WWOX: variants seen among roughly 807,000 people sequenced by gnomAD.
The protein encoded by WWOX is WW domain-containing oxidoreductase.
WWOX carries 69 observed loss-of-function variants against 46.2 expected under a neutral mutation model. The observed-to-expected ratio is 1.49, with a 90% CI of 1.23 to 1.82. The LOEUF is 1.82. Ranked by LOEUF, WWOX falls within the 40% of genes most tolerant of loss-of-function variation. WWOX has a pLI of 0.00. For missense variants in WWOX, 919 were observed against 542.6 expected, an observed-to-expected ratio of 1.69 and a Z score of -6.89; for synonymous variants, 359 against 202.6, an observed-to-expected ratio of 1.77 and a Z score of -6.56.
At chr16:78,860,584 C>T (rs1205211704) in intron 8 of WWOX, among the ~76,000 whole-genome samples, 2 of 152,172 alleles carry the variant, frequency 1.3e-5, no homozygotes, top group African/African-American at 2.4e-5. Flanking sequence ...AGTCCCTATC[C>T]TGGTGGATCT....
chr16:78,905,239 G>T (rs1037805010), intron 8 of WWOX, among the ~76,000 whole-genome samples: 8 of 152,088 alleles, frequency 5.3e-5, no homozygotes, highest in African/African-American at 1.7e-4. Flanking sequence ...AGGAGGAGGC[G>T]GAGAAGAAAA....
intron 8 of WWOX, among the ~76,000 whole-genome samples, chr16:78,773,979 G>A (rs1567550520): frequency 6.6e-6 from 1 of 152,230 alleles, no homozygotes; most frequent in Admixed American, 6.5e-5. Flanking sequence ...TGGCTGAAAT[G>A]AGACTCTTTC....
At chr16:79,064,075 A>C (rs566015691) in intron 8 of WWOX, among the ~76,000 whole-genome samples, 1 of 152,356 alleles carries the variant, frequency 6.6e-6, no homozygotes, top group Admixed American at 6.5e-5. Flanking sequence ...TCAACAAGGC[A>C]CTACAGCAAC....
intron 8 of WWOX, among the ~76,000 whole-genome samples, chr16:78,446,435 A>G (rs1481028621): frequency 6.6e-6 from 1 of 152,182 alleles, no homozygotes; most frequent in Non-Finnish European, 1.5e-5. Flanking sequence ...GGTTGTTGCA[A>G]GGACTAAAAT....
intron 8 of WWOX, among the ~76,000 whole-genome samples, chr16:78,785,247 C>G (rs1281622101): frequency 2.6e-5 from 4 of 152,202 alleles, no homozygotes; most frequent in Non-Finnish European, 5.9e-5. Flanking sequence ...TGCAGTAATT[C>G]TCTTCCCACC....
rs189504418 is a variant in WWOX, at chr16:78,201,962, A to G, written c.516+37673A>G. Among the ~76,000 whole-genome samples the G allele has an allele frequency of 4.3e-3, 661 of 152,106 alleles. 14 individuals carry two copies. The highest frequency in any genetic ancestry group is 0.029 in the Admixed American group (442 of 15,272). On this transcript the variant is annotated intron_variant, in intron 5 of 8. Transcript: ENST00000566780. ...GCAGTCCACCCGCCTCGGCCTCCCA[A>G]AGTGTAATCCTGGATTATAGGTGTG... is the stretch of plus-strand genomic sequence containing the variant.
At chr16:78,258,741 T>G (rs2038200108) in intron 5 of WWOX, among the ~76,000 whole-genome samples, 1 of 148,396 alleles carries the variant, frequency 6.7e-6, no homozygotes, top group Non-Finnish European at 1.5e-5. Context: ...AAAGGGCATA[T>G]TCCCTAGCCA....
intron 8 of WWOX, among the ~76,000 whole-genome samples, chr16:78,834,106 G>T (rs1172111230): frequency 6.6e-6 from 1 of 152,186 alleles, no homozygotes; most frequent in African/African-American, 2.4e-5. Context: ...GTCTGGAACT[G>T]AGCAGTATGG....
At chr16:78,729,398 A>G (rs543835029) in intron 8 of WWOX, among the ~76,000 whole-genome samples, 1 of 152,152 alleles carries the variant, frequency 6.6e-6, no homozygotes, top group African/African-American at 2.4e-5. Context: ...GCACATCCTA[A>G]TTCCTGTAAC....
chr16:78,955,154 C>T (rs915256731), intron 8 of WWOX, among the ~76,000 whole-genome samples: 2 of 152,150 alleles, frequency 1.3e-5, no homozygotes, highest in African/African-American at 2.4e-5. Flanking sequence ...GGAAACTTTG[C>T]TGTTAGGGTC....
intron 8 of WWOX, among the ~76,000 whole-genome samples, chr16:78,580,291 C>T (rs746629490): frequency 6.6e-6 from 1 of 152,034 alleles, no homozygotes; most frequent in Non-Finnish European, 1.5e-5. Flanking sequence ...CCAGGCTGAC[C>T]TCAAACTCCT....
At chr16:78,767,782 A>C (rs768718555) in intron 8 of WWOX, among the ~76,000 whole-genome samples, 1 of 152,144 alleles carries the variant, frequency 6.6e-6, no homozygotes, top group African/African-American at 2.4e-5. Flanking sequence ...ACCTCCCTGC[A>C]GTGTTGATTC....
chr16:78,405,882 C>G (rs9936338), intron 6 of WWOX, among the ~76,000 whole-genome samples: 1,909 of 152,208 alleles, frequency 0.013, 36 homozygotes, highest in African/African-American at 0.043. Context: ...ACACAGGTGA[C>G]GAAGTGAGTT....
intron 4 of WWOX, among the ~76,000 whole-genome samples, chr16:78,144,517 ATATATAT>A (rs1484323288): frequency 0.066 from 2,751 of 41,634 alleles, 337 homozygotes; most frequent in Non-Finnish European, 0.073. Context: ...ATATATATAT[ATATATAT>A]TTTTTTTTTT....
At chr16:78,404,966 A>T (rs981638586) in intron 6 of WWOX, among the ~76,000 whole-genome samples, 3 of 152,230 alleles carry the variant, frequency 2.0e-5, no homozygotes, top group Non-Finnish European at 1.5e-5. Flanking sequence ...CAATTATCAA[A>T]TGGATGCATT....
At chr16:78,348,537 A>G (rs2081132093) in intron 5 of WWOX, among the ~76,000 whole-genome samples, 1 of 120,798 alleles carries the variant, frequency 8.3e-6, no homozygotes, top group Admixed American at 8.1e-5. Flanking sequence ...GGCTCACTGT[A>G]GCTTTTGCCT....
chr16:79,101,918 G>T (rs2049204711), intron 8 of WWOX, among the ~76,000 whole-genome samples: 1 of 150,788 alleles, frequency 6.6e-6, no homozygotes, highest in South Asian at 2.1e-4. Context: ...AGGGAGGTAG[G>T]AGATCCATGA....
chr16:79,198,910 C>T (rs2051292772), intron 8 of WWOX, among the ~76,000 whole-genome samples: 1 of 152,174 alleles, frequency 6.6e-6, no homozygotes, highest in Admixed American at 6.5e-5. Context: ...TCCTGCTTCA[C>T]TTGTGCTGTG....
chr16:78,192,578 G>A (rs1016283257), intron 5 of WWOX, among the ~76,000 whole-genome samples: 4 of 151,970 alleles, frequency 2.6e-5, no homozygotes, highest in Non-Finnish European at 5.9e-5. Context: ...AACATATGTG[G>A]CACACATTAT....
Sources: allele counts gnomAD v4.1 joint callset (sites outside exome capture counted in the v4.1 genomes callset), GRCh38; gene constraint gnomAD v4.1.1; transcripts MANE v1.5; gene names NCBI Gene and HGNC (gene_info 2026-07-23, HGNC 2026-07-21).